STK10: variants seen among roughly 807,000 people sequenced by gnomAD.
STK10 encodes the protein serine/threonine-protein kinase 10.
A neutral mutation model predicts 113.8 loss-of-function variants in STK10; 78 were observed. The ratio of observed to expected loss-of-function variants is 0.69; its 90% confidence interval spans 0.57 to 0.83. STK10 has a LOEUF of 0.83. Ranked by LOEUF, STK10 falls within the 40% of genes least tolerant of loss-of-function variation. The probability of loss-of-function intolerance (pLI) is 0.00; values close to 1 mark genes in which losing one functional copy is unlikely to be tolerated. For synonymous variants in STK10, 465 were observed against 494.7 expected, an observed-to-expected ratio of 0.94 and a Z score of 0.80; for missense variants, 1,109 against 1,280.1, an observed-to-expected ratio of 0.87 and a Z score of 2.04.
chr5:172,087,623 A>ATTT (rs1203616701), intron 10 of STK10, among the ~76,000 whole-genome samples: 2 of 85,188 alleles, frequency 2.3e-5, no homozygotes, highest in African/African-American at 5.8e-5. Context: ...TTACTTATTT[A>ATTT]TTTTTTTTTT....
chr5:172,045,699 C>CT (rs1339636388), intron 18 of STK10, among the ~76,000 whole-genome samples: 3 of 151,640 alleles, frequency 2.0e-5, no homozygotes, highest in Non-Finnish European at 2.9e-5. Flanking sequence ...AAATATTTTT[C>CT]TTTTTTTTGA....
At chr5:172,171,640 G>C (rs547164905) in intron 1 of STK10, among the ~76,000 whole-genome samples, 1 of 151,310 alleles carries the variant, frequency 6.6e-6, no homozygotes, top group Non-Finnish European at 1.5e-5. Context: ...ACTTGGACCC[G>C]TGAGGCAGAG....
At chr5:172,138,128 TA>T (rs943448198) in intron 2 of STK10, among the ~76,000 whole-genome samples, 12 of 152,088 alleles carry the variant, frequency 7.9e-5, no homozygotes, top group Non-Finnish European at 1.3e-4. Context: ...TTATTATTAT[TA>T]TTTTTTTATT....
At chr5:172,094,530 A>G (rs991838400) in intron 8 of STK10, among the ~76,000 whole-genome samples, 4 of 151,858 alleles carry the variant, frequency 2.6e-5, no homozygotes, top group Non-Finnish European at 5.9e-5. Context: ...CTACAGGTGC[A>G]TGCCACCACA....
chr5:172,154,770 C>G (rs1169476433), intron 2 of STK10, among the ~76,000 whole-genome samples: 1 of 152,192 alleles, frequency 6.6e-6, no homozygotes, highest in African/African-American at 2.4e-5. Flanking sequence ...TCCAGCTCTG[C>G]CACTTGCTAG....
At chr5:172,127,492 C>T in intron 2 of STK10, 71 bp from the exon 3 acceptor site, 6 of 1,556,714 alleles carry the variant, frequency 3.9e-6, no homozygotes, top group Non-Finnish European at 5.3e-6. Context: ...CCCCACAGGC[C>T]CATTGGGCAG....
intron 2 of STK10, among the ~76,000 whole-genome samples, chr5:172,151,879 G>A (rs1290631326): frequency 6.6e-6 from 1 of 152,186 alleles, no homozygotes; most frequent in Admixed American, 6.5e-5. Flanking sequence ...CCTCCACCAC[G>A]CGCCAGCCGC....
intron 13 of STK10, among the ~76,000 whole-genome samples, chr5:172,062,787 T>C (rs1650240386): frequency 6.6e-6 from 1 of 152,202 alleles, no homozygotes; most frequent in African/African-American, 2.4e-5. Flanking sequence ...GTTTCAGTTT[T>C]ACAAGACAAG....
chr5:172,149,553 C>T (rs1377693574), intron 2 of STK10, among the ~76,000 whole-genome samples: 3 of 108,660 alleles, frequency 2.8e-5, no homozygotes, highest in East Asian at 5.2e-4. Flanking sequence ...TCCCAACAAC[C>T]GGGTGCCCCA....
At chr5:172,088,449 G>A (rs1361762102) in intron 10 of STK10, among the ~76,000 whole-genome samples, 1 of 152,064 alleles carries the variant, frequency 6.6e-6, no homozygotes, top group Non-Finnish European at 1.5e-5. Flanking sequence ...GCTTGAACCC[G>A]GGAGGCAGAA....
At chr5:172,182,257 C>A (rs1441760545) in intron 1 of STK10, among the ~76,000 whole-genome samples, 4 of 140,120 alleles carry the variant, frequency 2.9e-5, no homozygotes, top group African/African-American at 1.1e-4. Flanking sequence ...GAGCTGAGAT[C>A]GCACCATTGC....
chr5:172,096,633 CA>C, intron 7 of STK10, 73 bp from the exon 8 acceptor site: 1 of 1,583,728 alleles, frequency 6.3e-7, no homozygotes, highest in Non-Finnish European at 8.6e-7. Flanking sequence ...TGGGGGAGCT[CA>C]CCCCCGGGGC....
intron 4 of STK10, among the ~76,000 whole-genome samples, chr5:172,117,076 C>T (rs1414611315): frequency 6.6e-5 from 10 of 151,790 alleles, no homozygotes; most frequent in East Asian, 5.8e-4. Context: ...ATGAGGAGTT[C>T]GAGACCAGCT....
At chr5:172,076,053 C>T (rs922347008) in intron 12 of STK10, among the ~76,000 whole-genome samples, 3 of 151,982 alleles carry the variant, frequency 2.0e-5, no homozygotes, top group African/African-American at 7.3e-5. Context: ...GAATCCTTCT[C>T]CTATGTTCTT....
At chr5:172,071,212 C>CAAA (rs369407918) in intron 12 of STK10, among the ~76,000 whole-genome samples, 34 of 26,596 alleles carry the variant, frequency 1.3e-3, no homozygotes, top group Non-Finnish European at 1.4e-3. Context: ...CTCTCTATCT[C>CAAA]AAAAAAAAAA....
chr5:172,077,417 T>C (rs1179096940), intron 12 of STK10, among the ~76,000 whole-genome samples: 2 of 152,240 alleles, frequency 1.3e-5, no homozygotes, highest in Non-Finnish European at 2.9e-5. Context: ...TTCAGTGATC[T>C]AAGAAGTTAC....
rs369407918 is a variant in STK10 at position 172,071,212 on chromosome 5, C to CAAAA, written c.1990-6404_1990-6401dup. Among the ~76,000 whole-genome samples, 17 of 26,598 alleles carry CAAAA rather than the reference C, an allele frequency of 6.4e-4. 1 individual carries two copies. Among genetic ancestry groups the CAAAA allele is most frequent in the Non-Finnish European group, 1.0e-3 (13 of 12,810 alleles). The allele number at this position is 26,598 out of a possible 152,430, so 17.4% of individuals were successfully genotyped here. ...CGACAGAGTGAGACGCTCTCTATCTCAAAAAAAAAAAAAAAAAAAAAAAAA... is the reference window on the plus strand; with the variant it reads ...CGACAGAGTGAGACGCTCTCTATCTCAAAAAAAAAAAAAAAAAAAAAAAAAAAAA... On this transcript the variant is annotated intron_variant, in intron 12 of 18. Transcript: ENST00000176763.
intron 10 of STK10, among the ~76,000 whole-genome samples, chr5:172,088,178 G>A (rs1474761124): frequency 1.3e-5 from 2 of 152,252 alleles, no homozygotes; most frequent in East Asian, 1.9e-4. Context: ...CCAAAGTGCT[G>A]AAATTACAGG....
intron 18 of STK10, among the ~76,000 whole-genome samples, chr5:172,047,635 T>C (rs958446271): frequency 2.6e-5 from 4 of 152,228 alleles, no homozygotes; most frequent in Middle Eastern, 3.4e-3. Flanking sequence ...CCCAAGGCCA[T>C]CACACAGCTG....
Sources: gnomAD v4.1 joint callset for allele counts (sites outside exome capture counted in the v4.1 genomes callset) on GRCh38, gnomAD v4.1.1 for gene constraint, MANE v1.5 for transcripts, NCBI Gene and HGNC (gene_info 2026-07-23, HGNC 2026-07-21) for gene names.